The following STEAP1B variants were observed in gnomAD, a reference collection of about 807,000 sequenced individuals.
STEAP1B encodes STEAP family protein MGC87042.
In STEAP1B, 13 loss-of-function variants were observed where a neutral mutation model predicts 27.9. The ratio of observed to expected loss-of-function variants is 0.47; its 90% CI spans 0.30 to 0.74. STEAP1B has a LOEUF of 0.74. STEAP1B is among the 30% of genes least tolerant of loss of function. STEAP1B has a pLI of 0.06. For missense variants in STEAP1B, 250 were observed against 298.7 expected, an observed-to-expected ratio of 0.84 and a Z score of 1.20; for synonymous variants, 86 against 107.1, an observed-to-expected ratio of 0.80 and a Z score of 1.22.
intron 1 of STEAP1B, among the ~76,000 whole-genome samples, chr7:22,497,369 C>T (rs1786459767): frequency 6.6e-6 from 1 of 152,130 alleles, no homozygotes; most frequent in African/African-American, 2.4e-5. Flanking sequence ...AGAACAAGAG[C>T]AGAGAAAGAC....
chr7:22,463,432 C>T lies in STEAP1B; in HGVS notation c.762+29133G>A, dbSNP rs185988622. On this transcript the variant is annotated intron_variant, in intron 4 of 4. Transcript: ENST00000678116. ...TCCCCATCAAGCTACCAATGACTTGCTTCACAGAATTGGAAAAAACTACTT... is the reference window on the plus strand; with the variant it reads ...TCCCCATCAAGCTACCAATGACTTGTTTCACAGAATTGGAAAAAACTACTT... 2.7e-3 allele frequency among the ~76,000 whole-genome samples: 408 copies of T among 152,290 alleles called. 3 individuals carry two copies. The highest frequency in any genetic ancestry group is 0.01 in the East Asian group (53 of 5,192).
At chr7:22,470,509 G>A (rs1785862721) in intron 4 of STEAP1B, among the ~76,000 whole-genome samples, 1 of 152,094 alleles carries the variant, frequency 6.6e-6, no homozygotes, top group Non-Finnish European at 1.5e-5. Context: ...CACAGTAATC[G>A]GCAGTAATCC....
intron 1 of STEAP1B, among the ~76,000 whole-genome samples, chr7:22,495,834 G>A (rs1385275553): frequency 2.6e-5 from 4 of 152,166 alleles, no homozygotes; most frequent in African/African-American, 4.8e-5. Context: ...TTTGGTCAAC[G>A]ACTGACTGCA....
intron 4 of STEAP1B, among the ~76,000 whole-genome samples, chr7:22,482,471 G>C (rs1234182105): frequency 3.3e-5 from 5 of 152,136 alleles, no homozygotes; most frequent in Non-Finnish European, 5.9e-5. Flanking sequence ...TGGTAGCCCT[G>C]GGAAGAAGGA....
At chr7:22,429,154 A>G (rs575926605) in intron 4 of STEAP1B, among the ~76,000 whole-genome samples, 3 of 152,196 alleles carry the variant, frequency 2.0e-5, no homozygotes, top group Non-Finnish European at 4.4e-5. Context: ...TATACCCTAC[A>G]ACCCTGGCCC....
At chr7:22,425,998 T>C (rs945884198) in intron 4 of STEAP1B, among the ~76,000 whole-genome samples, 11 of 152,204 alleles carry the variant, frequency 7.2e-5, no homozygotes, top group Non-Finnish European at 1.6e-4. Flanking sequence ...TTTTTTGTCC[T>C]TTCTGCCCAG....
At chr7:22,493,142 C>T (rs1320187816) in intron 3 of STEAP1B, among the ~76,000 whole-genome samples, 182 bp downstream of exon 3, 4 of 152,162 alleles carry the variant, frequency 2.6e-5, no homozygotes, top group Non-Finnish European at 5.9e-5. Context: ...AAAAACATTT[C>T]TCAATATAAA....
rs377753798 is a variant in STEAP1B, at chr7:22,499,916, G to A, written c.-32+198C>T. 4.7e-3 allele frequency among the ~76,000 whole-genome samples: 723 copies of A among 152,316 alleles called. 5 individuals are homozygous for A. The highest frequency in any genetic ancestry group is 0.017 in the African/African-American group (689 of 41,564). The stretch of plus-strand genomic sequence containing the variant: ...GGCCCGGCCACAACCCAGCTGGGCT[G>A]GAAGACAGGGCGCCCCAGAGCCGCG... On this transcript the variant is annotated intron_variant, in intron 1 of 4. Transcript: ENST00000678116.
At chr7:22,451,442 AT>A (rs968588218) in intron 4 of STEAP1B, among the ~76,000 whole-genome samples, 1 of 152,208 alleles carries the variant, frequency 6.6e-6, no homozygotes, top group Non-Finnish European at 1.5e-5. Flanking sequence ...ATGACGTTGA[AT>A]AACAGTGATG....
chr7:22,432,896 T>C (rs1199673055), intron 4 of STEAP1B, among the ~76,000 whole-genome samples: 1 of 152,222 alleles, frequency 6.6e-6, no homozygotes, highest in African/African-American at 2.4e-5. Flanking sequence ...CCTCGTCTCT[T>C]GTTAGAGAAA....
At chr7:22,479,234 G>C (rs932477218) in intron 4 of STEAP1B, among the ~76,000 whole-genome samples, 4 of 152,186 alleles carry the variant, frequency 2.6e-5, no homozygotes, top group Non-Finnish European at 5.9e-5. Context: ...GGTGGGGAAT[G>C]GGGGAGAGGT....
chr7:22,438,417 T>C, intron 4 of STEAP1B: 1 of 1,466,550 alleles, frequency 6.8e-7, no homozygotes, highest in Non-Finnish European at 9.0e-7. Context: ...TACTTCCAGC[T>C]TCTACCATGG....
intron 4 of STEAP1B, among the ~76,000 whole-genome samples, chr7:22,464,307 T>A (rs1381461863): frequency 6.6e-6 from 1 of 152,176 alleles, no homozygotes; most frequent in Non-Finnish European, 1.5e-5. Context: ...TCATTACCCA[T>A]CACCTCTCCC....
rs752148769 is a variant in STEAP1B, at chr7:22,493,291, T to C, written c.597+33A>G. The C allele has an allele frequency of 3.2e-6, 5 of 1,565,896 alleles. No homozygotes were observed. In the African/African-American group the frequency reaches 6.8e-5, roughly 21 times the overall value. ...TAATTTGTTAGGTGACTTAGACTTT[T>C]TATTAGTAACAGTGACATCATTGTC... is the stretch of plus-strand genomic sequence containing the variant. On this transcript the variant is annotated intron_variant, in intron 3 of 4. Transcript: ENST00000678116.
At chr7:22,424,561 G>A (rs1341750377) in intron 4 of STEAP1B, among the ~76,000 whole-genome samples, 1 of 152,082 alleles carries the variant, frequency 6.6e-6, no homozygotes, top group Admixed American at 6.5e-5. Flanking sequence ...AAACATAAAG[G>A]AGGACATCAT....
chr7:22,452,238 G>A (rs1438511891), intron 4 of STEAP1B, among the ~76,000 whole-genome samples: 1 of 152,220 alleles, frequency 6.6e-6, no homozygotes, highest in Non-Finnish European at 1.5e-5. Context: ...CAGGAAAGAA[G>A]AAACAGGCTG....
chr7:22,491,007 AAGT>A (rs1786312068), intron 4 of STEAP1B, among the ~76,000 whole-genome samples: 1 of 152,232 alleles, frequency 6.6e-6, no homozygotes, highest in South Asian at 2.1e-4. Flanking sequence ...AGCTATCTTG[AAGT>A]AGGAGTATAT....
chr7:22,483,447 T>C (rs895568017), intron 4 of STEAP1B, among the ~76,000 whole-genome samples: 1 of 152,220 alleles, frequency 6.6e-6, no homozygotes, highest in African/African-American at 2.4e-5. Context: ...AACACAGGCA[T>C]TCCTCGTTTT....
At chr7:22,492,800 C>T (rs1786354154) in intron 3 of STEAP1B, 71 bp from the exon 4 acceptor site, 1 of 1,533,028 alleles carries the variant, frequency 6.5e-7, no homozygotes, top group Non-Finnish European at 8.7e-7. Flanking sequence ...TCTCCTTCTA[C>T]ACTCTTCCCT....
Sources: allele counts gnomAD v4.1 joint callset (sites outside exome capture counted in the v4.1 genomes callset), GRCh38; gene constraint gnomAD v4.1.1; transcripts MANE v1.5; gene names NCBI Gene and HGNC (gene_info 2026-07-23, HGNC 2026-07-21).